The following USP15 variants were observed in gnomAD, a reference collection of about 807,000 sequenced individuals.
USP15 encodes the protein ubiquitin carboxyl-terminal hydrolase 15.
A neutral mutation model predicts 127.1 loss-of-function variants in USP15; 18 were observed. The ratio of observed to expected loss-of-function variants is 0.14; its 90% CI spans 0.10 to 0.21. The LOEUF (loss-of-function observed/expected upper bound fraction) is 0.21. Among genes scored for constraint, USP15 ranks in the 10% least tolerant of loss-of-function variants. The pLI, the probability that USP15 is intolerant of heterozygous loss-of-function variation, is 1.00. For missense variants in USP15, 805 were observed against 1,159.9 expected, an observed-to-expected ratio of 0.69 and a Z score of 4.44; for synonymous variants, 364 against 393.7, an observed-to-expected ratio of 0.92 and a Z score of 0.89.
At chr12:62,355,720 T>C (rs924595921) in intron 8 of USP15, among the ~76,000 whole-genome samples, 1 of 150,468 alleles carries the variant, frequency 6.6e-6, no homozygotes, top group African/African-American at 2.4e-5. Flanking sequence ...TGCAAAAATA[T>C]AATATCAGAC....
chr12:62,310,840 C>T (rs1043804813), intron 3 of USP15, among the ~76,000 whole-genome samples: 1 of 151,982 alleles, frequency 6.6e-6, no homozygotes, highest in Non-Finnish European at 1.5e-5. Flanking sequence ...TTTACATTCC[C>T]ATCAACAGTG....
intron 2 of USP15, among the ~76,000 whole-genome samples, chr12:62,299,309 C>G (rs1234468015): frequency 2.0e-5 from 3 of 152,068 alleles, no homozygotes; most frequent in Admixed American, 6.6e-5. Flanking sequence ...GGGGTTTCAC[C>G]ACGTTGGCCA....
At chr12:62,284,226 T>C (rs984928438) in intron 1 of USP15, among the ~76,000 whole-genome samples, 1 of 152,222 alleles carries the variant, frequency 6.6e-6, no homozygotes, top group African/African-American at 2.4e-5. Context: ...CAAAATCTTA[T>C]TAGACTTTTT....
At chr12:62,397,690 G>A (rs975694524) in intron 20 of USP15, among the ~76,000 whole-genome samples, 12 of 151,294 alleles carry the variant, frequency 7.9e-5, no homozygotes, top group Non-Finnish European at 1.3e-4. Context: ...AACCCTGTCT[G>A]TACTAAAAAT....
At chr12:62,360,250 G>A (rs1367837512) in intron 8 of USP15, among the ~76,000 whole-genome samples, 1 of 151,974 alleles carries the variant, frequency 6.6e-6, no homozygotes, top group East Asian at 1.9e-4. Flanking sequence ...TGAAAAAAAT[G>A]ATACTAATCA....
chr12:62,390,941 G>A lies in USP15; in HGVS notation c.1922G>A (p.Gly641Glu). ...LHCCKDQNIN[G>E]NGPNGIHEEG... ...TGCTGTAAGGACCAAAATATTAATG[G>A]GAATGGCCCAAATGGCATACATGAA... Residue 641 changes from glycine (G) to glutamate (E), a missense_variant, in exon 15 of 22, where the codon GGG becomes GAG. Coordinates refer to ENST00000280377, the MANE Select transcript of USP15 (RefSeq NM_001252078.2). 2 of 1,612,834 alleles carry A rather than the reference G, an allele frequency of 1.2e-6. No homozygotes were observed. The highest frequency in any genetic ancestry group is 1.7e-6 in the Non-Finnish European group (2 of 1,179,338).
At chr12:62,266,325 C>A (rs1272978376) in intron 1 of USP15, among the ~76,000 whole-genome samples, 1 of 152,034 alleles carries the variant, frequency 6.6e-6, no homozygotes, top group Non-Finnish European at 1.5e-5. Flanking sequence ...TACTATAAGC[C>A]ACAAATACAT....
intron 6 of USP15, among the ~76,000 whole-genome samples, chr12:62,332,431 C>G (rs2065332176): frequency 6.6e-6 from 1 of 151,670 alleles, no homozygotes; most frequent in African/African-American, 2.4e-5. Context: ...AGGATGTTAG[C>G]ATTGGGTGGA....
chr12:62,407,073 T>A lies in USP15; in HGVS notation c.*2698T>A, dbSNP rs1368041632. 5 of 152,218 alleles carry A rather than the reference T, an allele frequency of 3.3e-5. No homozygotes were observed. Among genetic ancestry groups the A allele is most frequent in the African/African-American group, 7.2e-5 (3 of 41,458 alleles). 9.4% of individuals were successfully genotyped at this position (152,218 alleles called of 1,614,324 possible). On this transcript the variant is annotated 3_prime_UTR_variant, in exon 22 of 22. Transcript: ENST00000280377. ...AGCAATCATATGACTTTGAACTTAA[T>A]CTTTGATAGTGTTTCTTTACCTGTA...
chr12:62,369,438 A>G (rs944044361), intron 8 of USP15, among the ~76,000 whole-genome samples: 17 of 151,492 alleles, frequency 1.1e-4, no homozygotes, highest in African/African-American at 3.4e-4. Flanking sequence ...CAATAAAAAC[A>G]TATTGGAATC....
chr12:62,315,642 A>G (rs2064810937), intron 4 of USP15, among the ~76,000 whole-genome samples: 1 of 152,304 alleles, frequency 6.6e-6, no homozygotes, highest in Non-Finnish European at 1.5e-5. Context: ...ATACAAATGA[A>G]CAGTGAAGAA....
intron 8 of USP15, among the ~76,000 whole-genome samples, chr12:62,371,756 A>G (rs2066677063): frequency 1.3e-5 from 2 of 152,182 alleles, no homozygotes. Flanking sequence ...AAACATGGAA[A>G]ATTATCTTCC....
chr12:62,362,909 A>T (rs550879220), intron 8 of USP15, among the ~76,000 whole-genome samples: 4 of 152,192 alleles, frequency 2.6e-5, no homozygotes, highest in Non-Finnish European at 4.4e-5. Flanking sequence ...GCTTTGACCA[A>T]AGAATATGTA....
In USP15 at chr12:62,348,365, C is replaced by G. The variant is rs373930720; in HGVS notation, c.684-856C>G. Among the ~76,000 whole-genome samples the G allele has an allele frequency of 2.3e-4, 35 of 152,198 alleles. No homozygotes were observed. The East Asian group carries it at 4.6e-3, about 20-fold the overall frequency. ...AATTTTGTAGATTATGCTTTTCTGCCTGTTGACCATTTCATTGTTCGTTAG... is the reference window on the plus strand; with the variant it reads ...AATTTTGTAGATTATGCTTTTCTGCGTGTTGACCATTTCATTGTTCGTTAG... On this transcript the variant is annotated intron_variant, in intron 6 of 21. Transcript: ENST00000280377.
chr12:62,368,995 G>A (rs2066573648), intron 8 of USP15, among the ~76,000 whole-genome samples: 1 of 152,120 alleles, frequency 6.6e-6, no homozygotes, highest in East Asian at 1.9e-4. Flanking sequence ...GACTCAACAA[G>A]CATTCATTGA....
intron 8 of USP15, among the ~76,000 whole-genome samples, chr12:62,369,172 G>A (rs1007793845): frequency 6.6e-6 from 1 of 152,264 alleles, no homozygotes; most frequent in African/African-American, 2.4e-5. Flanking sequence ...TGGAAGCAAA[G>A]TTCTTTCTTT....
At chr12:62,278,790 AG>A (rs1384263760) in intron 1 of USP15, 17 of 152,202 alleles carry the variant, frequency 1.1e-4, no homozygotes, top group African/African-American at 3.9e-4. Flanking sequence ...AAACATGCTT[AG>A]AACACTTAAA....
In USP15 at chr12:62,410,290, T is replaced by TA. The variant is rs1461433741; in HGVS notation, c.*5917dup. The TA allele has an allele frequency of 6.6e-6, 1 of 152,154 alleles. No homozygotes were observed. The highest frequency in any genetic ancestry group is 1.5e-5 in the Non-Finnish European group (1 of 68,010). 9.4% of individuals were successfully genotyped at this position (152,154 alleles called of 1,614,324 possible). A position where few individuals can be genotyped will look rare whatever the true frequency, so the allele number is the denominator to read the frequency against. ...AGAAGCACCAAGGATTATCTATTTG[T>TA]AATCACATTGTGGTGAATTATCAGT... On this transcript the variant is annotated 3_prime_UTR_variant, in exon 22 of 22. Transcript: ENST00000280377.
rs1320502495 is a variant in USP15 at position 62,415,485 on chromosome 12, C to T, written c.*11110C>T. 6.6e-6 allele frequency: 1 copy of T among 152,194 alleles called. No homozygotes were observed. The highest frequency in any genetic ancestry group is 1.5e-5 in the Non-Finnish European group (1 of 68,038). 9.4% of individuals were successfully genotyped at this position (152,194 alleles called of 1,614,324 possible). Reference sequence around the variant, plus strand: ...CAACACATTAAATAAACCATCACATCCCTTCATGTAGAAAAGAGTGGTTTG... The same window carrying T: ...CAACACATTAAATAAACCATCACATTCCTTCATGTAGAAAAGAGTGGTTTG... On this transcript the variant is annotated 3_prime_UTR_variant, in exon 22 of 22. Coordinates refer to ENST00000280377, the MANE Select transcript of USP15 (RefSeq NM_001252078.2).
Sources: allele counts gnomAD v4.1 joint callset (sites outside exome capture counted in the v4.1 genomes callset), GRCh38; gene constraint gnomAD v4.1.1; transcripts MANE v1.5; gene names NCBI Gene and HGNC (gene_info 2026-07-23, HGNC 2026-07-21).